The following PDE1A variants were observed in gnomAD, a reference collection of about 807,000 sequenced individuals.
PDE1A encodes phosphodiesterase 1A.
PDE1A carries 35 observed loss-of-function variants against 61.7 expected under a neutral mutation model. The observed-to-expected ratio is 0.57, with a 90% CI of 0.43 to 0.75. PDE1A has a LOEUF of 0.75. Ranked by LOEUF, PDE1A falls within the 30% of genes least tolerant of loss-of-function variation. The probability of loss-of-function intolerance (pLI) is 0.00; values close to 1 mark genes in which losing one functional copy is unlikely to be tolerated. For synonymous variants in PDE1A, 232 were observed against 213.2 expected (o/e 1.09, Z -0.77); for missense variants, 597 against 630.6 (o/e 0.95, Z 0.57).
At chr2:182,192,168 C>G (rs1349250817) in intron 10 of PDE1A, among the ~76,000 whole-genome samples, 1 of 151,928 alleles carries the variant, frequency 6.6e-6, no homozygotes, top group East Asian at 1.9e-4. Flanking sequence ...CTTTCTTGAG[C>G]TAAATTTTAT....
At chr2:182,438,777 A>G (rs1008933168) in intron 2 of PDE1A, among the ~76,000 whole-genome samples, 4 of 152,052 alleles carry the variant, frequency 2.6e-5, no homozygotes, top group Admixed American at 6.6e-5. Context: ...GCCATACTGA[A>G]GAGCTGAGAC....
chr2:182,671,166 T>G, the PDE1A span, among the ~76,000 whole-genome samples: 3 of 151,602 alleles, frequency 2.0e-5, no homozygotes, highest in South Asian at 6.3e-4. Flanking sequence ...TGCAAGTCTA[T>G]GGATCACACT....
At chr2:182,603,495 C>G in the PDE1A span, among the ~76,000 whole-genome samples, 2 of 152,178 alleles carry the variant, frequency 1.3e-5, no homozygotes, top group African/African-American at 4.8e-5. Flanking sequence ...TTACAGGCAC[C>G]TGCCACCACA....
chr2:182,694,243 C>T, the PDE1A span, among the ~76,000 whole-genome samples: 2 of 152,224 alleles, frequency 1.3e-5, no homozygotes, highest in African/African-American at 4.8e-5. Context: ...TTCTTTCCCA[C>T]TAAATTGTTT....
the PDE1A span, among the ~76,000 whole-genome samples, chr2:182,626,898 CAT>C: frequency 1.6e-5 from 1 of 63,352 alleles, no homozygotes; most frequent in South Asian, 4.7e-4. Context: ...TATATATATA[CAT>C]ATATATATAC....
At chr2:182,236,156 G>C (rs892380708) in intron 3 of PDE1A, among the ~76,000 whole-genome samples, 1 of 152,084 alleles carries the variant, frequency 6.6e-6, no homozygotes, top group African/African-American at 2.4e-5. Flanking sequence ...TTTTGGATGT[G>C]GGTGATTAGG....
the PDE1A span, among the ~76,000 whole-genome samples, chr2:182,607,476 G>A: frequency 1.3e-5 from 2 of 152,046 alleles, no homozygotes; most frequent in Non-Finnish European, 2.9e-5. Flanking sequence ...CAGAACCCCC[G>A]CGTATACCAA....
At chr2:182,322,010 G>C (rs904206683) in intron 1 of PDE1A, among the ~76,000 whole-genome samples, 20 of 152,156 alleles carry the variant, frequency 1.3e-4, no homozygotes, top group African/African-American at 4.8e-4. Context: ...TAGAAGGACA[G>C]TGTGGTGTTC....
At chr2:182,148,431 C>T (rs574514231) in intron 13 of PDE1A, among the ~76,000 whole-genome samples, 30 of 152,304 alleles carry the variant, frequency 2.0e-4, no homozygotes, top group African/African-American at 6.3e-4. Flanking sequence ...ACCTGGCAGG[C>T]GTTTACAGCT....
chr2:182,564,460 C>G, the PDE1A span, among the ~76,000 whole-genome samples: 1 of 150,858 alleles, frequency 6.6e-6, no homozygotes, highest in Non-Finnish European at 1.5e-5. Context: ...GTGGGTAACC[C>G]GACCTTTCTC....
intron 1 of PDE1A, among the ~76,000 whole-genome samples, chr2:182,316,402 A>T (rs1386077557): frequency 2.6e-5 from 4 of 152,192 alleles, no homozygotes; most frequent in Non-Finnish European, 5.9e-5. Context: ...TATTTTACAG[A>T]ATAGTGAGCT....
intron 1 of PDE1A, among the ~76,000 whole-genome samples, chr2:182,296,142 G>C (rs966494082): frequency 1.3e-5 from 2 of 152,152 alleles, no homozygotes; most frequent in African/African-American, 4.8e-5. Context: ...TAACGCATTA[G>C]AGTCCATGGA....
intron 1 of PDE1A, among the ~76,000 whole-genome samples, chr2:182,305,507 T>G (rs193019675): frequency 6.6e-6 from 1 of 152,114 alleles, no homozygotes; most frequent in African/African-American, 2.4e-5. Flanking sequence ...TAATTCCAAG[T>G]TTTTTCATGG....
the PDE1A span, among the ~76,000 whole-genome samples, chr2:182,698,490 CCAT>C: frequency 3.9e-5 from 6 of 151,982 alleles, no homozygotes; most frequent in Admixed American, 6.6e-5. Flanking sequence ...TATGCTAACT[CCAT>C]CAGTAAAATA....
chr2:182,206,946 A>G (rs1002869982), intron 7 of PDE1A, among the ~76,000 whole-genome samples: 1 of 152,182 alleles, frequency 6.6e-6, no homozygotes, highest in Non-Finnish European at 1.5e-5. Flanking sequence ...TGCCTCCTGG[A>G]TGGCCTGTGG....
the PDE1A span, among the ~76,000 whole-genome samples, chr2:182,602,763 A>G: frequency 3.9e-5 from 6 of 152,190 alleles, no homozygotes. Context: ...TGAGAAAGGA[A>G]TTAATAGAGG....
At chr2:182,546,681 T>C in the PDE1A span, among the ~76,000 whole-genome samples, 1 of 152,174 alleles carries the variant, frequency 6.6e-6, no homozygotes, top group Non-Finnish European at 1.5e-5. Flanking sequence ...CTGTTGTTGG[T>C]TCCTCAAAGG....
chr2:182,207,812 C>T (rs1442447353), intron 7 of PDE1A, among the ~76,000 whole-genome samples: 1 of 152,214 alleles, frequency 6.6e-6, no homozygotes, highest in African/African-American at 2.4e-5. Flanking sequence ...CTCCACTGCT[C>T]TGTGCACGCA....
chr2:182,707,804 G>C, the PDE1A span, among the ~76,000 whole-genome samples: 2 of 152,086 alleles, frequency 1.3e-5, no homozygotes, highest in African/African-American at 4.8e-5. Flanking sequence ...CATATCAAAA[G>C]TACAGTCTAG....
Sources: allele counts gnomAD v4.1 joint callset (sites outside exome capture counted in the v4.1 genomes callset), GRCh38; gene constraint gnomAD v4.1.1; transcripts MANE v1.5; gene names NCBI Gene and HGNC (gene_info 2026-07-23, HGNC 2026-07-21).